DLGAP2: variants seen among roughly 807,000 people sequenced by gnomAD.
DLGAP2 encodes DLG associated protein 2.
A neutral mutation model predicts 100.3 loss-of-function variants in DLGAP2; 26 were observed. That is an observed-to-expected ratio of 0.26 (90% CI 0.19 to 0.36). DLGAP2 has a LOEUF of 0.36. Ranked by LOEUF, DLGAP2 falls within the 10% of genes least tolerant of loss-of-function variation. DLGAP2 has a pLI of 1.00. For missense variants in DLGAP2, 1,858 were observed against 1,453.2 expected, an observed-to-expected ratio of 1.28 and a Z score of -4.53; for synonymous variants, 886 against 630.1, an observed-to-expected ratio of 1.41 and a Z score of -6.08.
At chr8:1,148,967 C>T (rs1028456814) in intron 2 of DLGAP2, among the ~76,000 whole-genome samples, 2 of 152,080 alleles carry the variant, frequency 1.3e-5, no homozygotes, top group African/African-American at 4.8e-5. Flanking sequence ...TGTTTTAAAT[C>T]TTATATTTTC....
At chr8:1,096,623 G>C (rs75499847) in intron 2 of DLGAP2, among the ~76,000 whole-genome samples, 106 of 150,108 alleles carry the variant, frequency 7.1e-4, no homozygotes, top group African/African-American at 2.5e-3. Flanking sequence ...CCCCTCCAGC[G>C]TGAGACCCAC....
In DLGAP2 at chr8:1,335,711, G is replaced by A. The variant is rs73670769; in HGVS notation, c.106+76828G>A. On this transcript the variant is annotated intron_variant, in intron 3 of 14. Coordinates refer to ENST00000637795, the MANE Select transcript of DLGAP2 (RefSeq NM_001346810.2). ...AGAACACATATTGTCTGTGCAGGAC[G>A]CAGGACGCCCAGGGAACCCTGAGTA... Among the ~76,000 whole-genome samples, 219 of 152,318 alleles carry A rather than the reference G, an allele frequency of 1.4e-3. 1 individual carries two copies. The highest frequency in any genetic ancestry group is 5.1e-3 in the African/African-American group (211 of 41,588).
chr8:1,235,511 C>G, intron 2 of DLGAP2, among the ~76,000 whole-genome samples: 1 of 150,744 alleles, frequency 6.6e-6, no homozygotes, highest in Non-Finnish European at 1.5e-5. Context: ...ATGTCTAGTT[C>G]TCTCTCACAC....
intron 12 of DLGAP2, among the ~76,000 whole-genome samples, chr8:1,682,812 A>G (rs1798990835): frequency 6.6e-6 from 1 of 151,662 alleles, no homozygotes; most frequent in Admixed American, 6.6e-5. Flanking sequence ...CCTTATTATT[A>G]GGCATCTGAA....
intron 2 of DLGAP2, among the ~76,000 whole-genome samples, chr8:1,134,970 A>G (rs1796374595): frequency 6.6e-6 from 1 of 152,200 alleles, no homozygotes; most frequent in Non-Finnish European, 1.5e-5. Context: ...CAATAGAATC[A>G]ATATCAAACT....
intron 3 of DLGAP2, among the ~76,000 whole-genome samples, chr8:1,410,257 G>C (rs893262149): frequency 6.6e-6 from 1 of 152,168 alleles, no homozygotes; most frequent in African/African-American, 2.4e-5. Flanking sequence ...TGCATTGTGA[G>C]GCACTGGCAA....
chr8:1,595,121 G>C (rs761331354), intron 6 of DLGAP2, among the ~76,000 whole-genome samples: 1 of 151,826 alleles, frequency 6.6e-6, no homozygotes, highest in Admixed American at 6.6e-5. Flanking sequence ...GCCCACTGCA[G>C]CCTCAACCTC....
At chr8:1,561,194 T>G (rs573649794) in intron 5 of DLGAP2, among the ~76,000 whole-genome samples, 43 of 152,342 alleles carry the variant, frequency 2.8e-4, no homozygotes, top group African/African-American at 8.7e-4. Flanking sequence ...CCTTCTGCCA[T>G]GACTGCGAGG....
chr8:1,301,668 A>G (rs899518371), intron 3 of DLGAP2: 2 of 152,232 alleles, frequency 1.3e-5, no homozygotes, highest in East Asian at 1.9e-4. Context: ...CGTTTTACAA[A>G]TAAACAAGTT....
chr8:1,225,652 T>C lies in DLGAP2; in HGVS notation c.74-33199T>C, dbSNP rs569796810. Among the ~76,000 whole-genome samples the C allele has an allele frequency of 3.9e-5, 6 of 152,360 alleles. No homozygotes were observed. The South Asian group carries it at 1.2e-3, about 32-fold the overall frequency. On this transcript the variant is annotated intron_variant, in intron 2 of 14. Coordinates refer to ENST00000637795, the MANE Select transcript of DLGAP2 (RefSeq NM_001346810.2). The stretch of plus-strand genomic sequence containing the variant: ...CACTTTTAAGCCAATAAATTTGGTA[T>C]CTTAGGTGAAATGAACAAATTTCTA...
chr8:946,518 CT>C (rs1459603692), intron 2 of DLGAP2, among the ~76,000 whole-genome samples: 1 of 152,174 alleles, frequency 6.6e-6, no homozygotes, highest in Non-Finnish European at 1.5e-5. Context: ...CCGCCTTGGC[CT>C]CCCAAAGTGC....
chr8:1,054,509 C>T (rs1283150177), intron 2 of DLGAP2, among the ~76,000 whole-genome samples: 1 of 152,102 alleles, frequency 6.6e-6, no homozygotes, highest in African/African-American at 2.4e-5. Context: ...AGTAGTCTAA[C>T]TTACTGTATA....
In DLGAP2 at chr8:1,287,157, T is replaced by TGTGC. The variant is rs1315463950; in HGVS notation, c.106+28275_106+28276insTGCG. Among the ~76,000 whole-genome samples, 657 of 99,498 alleles carry TGTGC rather than the reference T, an allele frequency of 6.6e-3. 17 individuals are homozygous for TGTGC. Among genetic ancestry groups the TGTGC allele is most frequent in the African/African-American group, 0.016 (503 of 30,866 alleles). The allele number at this position is 99,498 out of a possible 152,430, so 65.3% of individuals were successfully genotyped here. ...GTGTGTGTGTGTGTGTGTGTGTGTG[T>TGTGC]GCGCGCGCGCGCGTGGTTCTGTTAG... On this transcript the variant is annotated intron_variant, in intron 3 of 14. Coordinates refer to ENST00000637795, the MANE Select transcript of DLGAP2 (RefSeq NM_001346810.2).
rs567421007 is a variant in DLGAP2 at position 1,552,260 on chromosome 8, A to T, written c.1230+2577A>T. On this transcript the variant is annotated intron_variant, in intron 5 of 14. Transcript: ENST00000637795. ...GGAGGATAGAAGGACGTCTGCAGGG[A>T]GCAGCCACGGCTTTCATGGCGCTCG... is the stretch of plus-strand genomic sequence containing the variant. Among the ~76,000 whole-genome samples, 37 of 152,316 alleles carry T rather than the reference A, an allele frequency of 2.4e-4. 1 individual carries two copies. Among genetic ancestry groups the T allele is most frequent in the African/African-American group, 8.7e-4 (36 of 41,560 alleles).
At chr8:1,697,718 A>G (rs554571735) in intron 14 of DLGAP2, among the ~76,000 whole-genome samples, 28 of 152,338 alleles carry the variant, frequency 1.8e-4, no homozygotes, top group African/African-American at 6.0e-4. Context: ...GTTATGGACT[A>G]TCTCCTATTC....
chr8:1,492,215 A>G (rs1243558576), intron 3 of DLGAP2, among the ~76,000 whole-genome samples: 1 of 152,226 alleles, frequency 6.6e-6, no homozygotes, highest in African/African-American at 2.4e-5. Flanking sequence ...AGCCATTAGT[A>G]ATCATTACGG....
intron 3 of DLGAP2, among the ~76,000 whole-genome samples, chr8:1,313,193 C>A (rs1305812723): frequency 6.6e-6 from 1 of 152,170 alleles, no homozygotes; most frequent in Non-Finnish European, 1.5e-5. Context: ...AGGCCAGAAA[C>A]CCAGTAGCAA....
At chr8:1,606,635 T>C (rs1796809417) in intron 6 of DLGAP2, among the ~76,000 whole-genome samples, 1 of 152,230 alleles carries the variant, frequency 6.6e-6, no homozygotes, top group Admixed American at 6.5e-5. Flanking sequence ...GATGTATACT[T>C]AGGTTGTTTC....
intron 1 of DLGAP2, among the ~76,000 whole-genome samples, chr8:798,320 G>T (rs4075762): frequency 6.9e-6 from 1 of 143,908 alleles, no homozygotes; most frequent in Non-Finnish European, 1.6e-5. Flanking sequence ...GCCTGCTTCC[G>T]TTGGCACTGA....
Sources: gnomAD v4.1 joint callset for allele counts (sites outside exome capture counted in the v4.1 genomes callset) on GRCh38, gnomAD v4.1.1 for gene constraint, MANE v1.5 for transcripts, NCBI Gene and HGNC (gene_info 2026-07-23, HGNC 2026-07-21) for gene names.